The following GABRB3 variants were observed in gnomAD, a reference collection of about 807,000 sequenced individuals.
The protein encoded by GABRB3 is gamma-aminobutyric acid receptor subunit beta-3.
Under a neutral mutation model 52.1 loss-of-function variants are expected in GABRB3, and 14 were observed. The ratio of observed to expected loss-of-function variants is 0.27; its 90% CI spans 0.18 to 0.42. The LOEUF (loss-of-function observed/expected upper bound fraction) is 0.42. Among genes scored for constraint, GABRB3 ranks in the 10% least tolerant of loss-of-function variants. The pLI is 1.00. For synonymous variants in GABRB3, 260 were observed against 232.3 expected (o/e 1.12, Z -1.08); for missense variants, 307 against 609.1 (o/e 0.50, Z 5.22).
chr15:26,758,510 C>T (rs1890723212), intron 3 of GABRB3, among the ~76,000 whole-genome samples: 1 of 152,172 alleles, frequency 6.6e-6, no homozygotes, highest in African/African-American at 2.4e-5. Flanking sequence ...CAGATAAAGC[C>T]ATCACTGCTT....
intron 3 of GABRB3, among the ~76,000 whole-genome samples, chr15:26,762,560 G>A (rs1003305933): frequency 1.3e-5 from 2 of 152,086 alleles, no homozygotes; most frequent in Non-Finnish European, 2.9e-5. Flanking sequence ...TCTGGAAAAC[G>A]TTGAATTCTT....
chr15:26,738,597 G>A (rs979923870), intron 3 of GABRB3, among the ~76,000 whole-genome samples: 1 of 152,160 alleles, frequency 6.6e-6, no homozygotes, highest in African/African-American at 2.4e-5. Flanking sequence ...CAAACCGCAA[G>A]GACTGACTCT....
chr15:26,603,410 C>A (rs1478380563), intron 4 of GABRB3, among the ~76,000 whole-genome samples: 1 of 151,944 alleles, frequency 6.6e-6, no homozygotes, highest in African/African-American at 2.4e-5. Flanking sequence ...TTCTCTGAAG[C>A]CAGTATCACC....
chr15:26,583,472 G>A, intron 4 of GABRB3, 58 bp from the exon 5 acceptor site: 1 of 1,413,156 alleles, frequency 7.1e-7, no homozygotes, highest in South Asian at 1.2e-5. Context: ...GTATCAGGGA[G>A]ACTCCTCTTA....
At chr15:26,732,247 T>C (rs1462780844) in intron 3 of GABRB3, among the ~76,000 whole-genome samples, 1 of 150,112 alleles carries the variant, frequency 6.7e-6, no homozygotes, top group Non-Finnish European at 1.5e-5. Flanking sequence ...GATGGATGGA[T>C]GGATGAATAG....
intron 4 of GABRB3, among the ~76,000 whole-genome samples, chr15:26,606,243 G>A (rs182504887): frequency 6.6e-6 from 1 of 151,876 alleles, no homozygotes; most frequent in South Asian, 2.1e-4. Context: ...CACAACAGGG[G>A]GACTATAGTC....
intron 4 of GABRB3, among the ~76,000 whole-genome samples, chr15:26,588,611 T>TGAG (rs1891081126): frequency 6.6e-6 from 1 of 152,272 alleles, no homozygotes; most frequent in South Asian, 2.1e-4. Context: ...ACTCAGGAAA[T>TGAG]GAGAATCTTG....
chr15:26,544,272 G>C lies in GABRB3; in HGVS notation c.*3521C>G, dbSNP rs1286141915. 6.6e-6 allele frequency: 1 copy of C among 152,584 alleles called. No homozygotes were observed. The highest frequency in any genetic ancestry group is 2.4e-5 in the African/African-American group (1 of 41,422). 9.5% of individuals were successfully genotyped at this position (152,584 alleles called of 1,614,324 possible). A position where few individuals can be genotyped will look rare whatever the true frequency, so the allele number is the denominator to read the frequency against. On this transcript the variant is annotated 3_prime_UTR_variant, in exon 9 of 9. Transcript: ENST00000311550. ...ACAAACACCAATGGATTATCTACTA[G>C]ATGCTGAAAATGAACACCTACAACT...
intron 3 of GABRB3, chr15:26,628,947 C>T (rs750087726): frequency 8.5e-6 from 13 of 1,534,878 alleles, no homozygotes; most frequent in Middle Eastern, 1.7e-4. Context: ...CTCCTTGTGA[C>T]TGCCGAGAGC....
intron 3 of GABRB3, among the ~76,000 whole-genome samples, chr15:26,742,196 T>A (rs768569559): frequency 1.3e-5 from 2 of 152,106 alleles, no homozygotes; most frequent in Non-Finnish European, 2.9e-5. Context: ...ATTACCACTA[T>A]CCATGTATCT....
At chr15:26,727,661 T>A (rs1177623108) in intron 3 of GABRB3, among the ~76,000 whole-genome samples, 2 of 152,208 alleles carry the variant, frequency 1.3e-5, no homozygotes, top group Admixed American at 6.5e-5. Context: ...TATGCTCAAA[T>A]GACACTGCTT....
intron 4 of GABRB3, among the ~76,000 whole-genome samples, chr15:26,600,523 T>C (rs1037304947): frequency 2.0e-5 from 3 of 152,176 alleles, no homozygotes; most frequent in Admixed American, 6.5e-5. Context: ...CCAATACGAC[T>C]ATCAGCAGAC....
At chr15:26,708,103 C>T (rs1889165028) in intron 3 of GABRB3, among the ~76,000 whole-genome samples, 2 of 152,162 alleles carry the variant, frequency 1.3e-5, no homozygotes, top group Admixed American at 6.5e-5. Flanking sequence ...GCCTATAATA[C>T]ATGACCAGGT....
intron 3 of GABRB3, among the ~76,000 whole-genome samples, chr15:26,734,668 TGGCTCA>T (rs1413676502): frequency 7.0e-6 from 1 of 143,012 alleles, no homozygotes; most frequent in Non-Finnish European, 1.5e-5. Context: ...CCTGGTGTAG[TGGCTCA>T]TACCAGTAAT....
chr15:26,760,501 T>C (rs1437394570), intron 3 of GABRB3, among the ~76,000 whole-genome samples: 3 of 152,158 alleles, frequency 2.0e-5, no homozygotes, highest in Non-Finnish European at 2.9e-5. Flanking sequence ...CCCTGAAGTA[T>C]GGAGGAAATT....
chr15:26,583,759 C>G (rs1055846708), intron 4 of GABRB3, among the ~76,000 whole-genome samples: 42 of 150,210 alleles, frequency 2.8e-4, no homozygotes, highest in African/African-American at 3.2e-4. Flanking sequence ...AGGTAATTAA[C>G]AAATGTATTG....
chr15:26,600,043 T>C (rs184661213), intron 4 of GABRB3, among the ~76,000 whole-genome samples: 4 of 151,682 alleles, frequency 2.6e-5, no homozygotes, highest in Non-Finnish European at 5.9e-5. Context: ...ATAGAATGAA[T>C]AGAAAAGAAC....
chr15:26,561,611 G>A (rs1889990906), intron 7 of GABRB3, among the ~76,000 whole-genome samples: 1 of 152,252 alleles, frequency 6.6e-6, no homozygotes, highest in Non-Finnish European at 1.5e-5. Flanking sequence ...ATGAATTTGA[G>A]GTGTCTGTGG....
chr15:26,580,351 C>T lies in GABRB3; in HGVS notation c.650G>A (p.Arg217His), dbSNP rs121913125. The change falls in exon 6 of 9, where the codon CGT becomes CAT. Residue 217 changes from arginine (R) to histidine (H), a missense_variant. Coordinates refer to ENST00000311550, the MANE Select transcript of GABRB3 (RefSeq NM_000814.6). ...GAAGACAACATTCCTCGAGACCAGA[C>T]GGTGCTCCACGATGGAGAACTGCGG... ...ELPQFSIVEH[R>H]LVSRNVVFAT... is the part of the protein sequence containing the mutation. 45 of 1,614,152 alleles carry T rather than the reference C, an allele frequency of 2.8e-5. No individual in the cohort carries two copies. Among genetic ancestry groups the T allele is most frequent in the African/African-American group, 1.7e-4 (13 of 75,014 alleles).
Sources: allele counts gnomAD v4.1 joint callset (sites outside exome capture counted in the v4.1 genomes callset), GRCh38; gene constraint gnomAD v4.1.1; transcripts MANE v1.5; gene names NCBI Gene and HGNC (gene_info 2026-07-23, HGNC 2026-07-21).